Variants in MFAP3L observed in about 807,000 individuals in gnomAD.
The protein encoded by MFAP3L is microfibrillar-associated protein 3-like.
A neutral mutation model predicts 20.0 loss-of-function variants in MFAP3L; 5 were observed. The ratio of observed to expected loss-of-function variants is 0.25; its 90% CI spans 0.13 to 0.53. The LOEUF is 0.53. Ranked by LOEUF, MFAP3L falls within the 20% of genes least tolerant of loss-of-function variation. The pLI, the probability that MFAP3L is intolerant of heterozygous loss-of-function variation, is 0.96. For synonymous variants in MFAP3L, 219 were observed against 213.0 expected (o/e 1.03, Z -0.25); for missense variants, 409 against 527.5 (o/e 0.78, Z 2.20).
intron 1 of MFAP3L, among the ~76,000 whole-genome samples, chr4:170,014,150 A>G (rs1344742847): frequency 1.3e-5 from 2 of 152,200 alleles, no homozygotes; most frequent in Non-Finnish European, 2.9e-5. Flanking sequence ...TTTCATTAGA[A>G]TATTGTTCCA....
At chr4:169,995,335 T>G (rs1738065071) in intron 2 of MFAP3L, among the ~76,000 whole-genome samples, 1 of 152,156 alleles carries the variant, frequency 6.6e-6, no homozygotes, top group Admixed American at 6.5e-5. Flanking sequence ...ACCCCCTTTT[T>G]TGTAAAGGCC....
rs1157526866 is a variant in MFAP3L at position 169,990,787 on chromosome 4, T to C, written c.*591A>G. 2 of 152,616 alleles carry C rather than the reference T, an allele frequency of 1.3e-5. No homozygotes were observed. Among genetic ancestry groups the C allele is most frequent in the Non-Finnish European group, 2.9e-5 (2 of 68,324 alleles). The allele number at this position is 152,616 out of a possible 1,614,324, so 9.5% of individuals were successfully genotyped here. ...AACATGACAAATGTAATGTGACTTGTAGATATCAGCCCTGGTACTGGTGAC... is the reference window on the plus strand; with the variant it reads ...AACATGACAAATGTAATGTGACTTGCAGATATCAGCCCTGGTACTGGTGAC... On this transcript the variant is annotated 3_prime_UTR_variant, in exon 3 of 3. Transcript: ENST00000361618.
At chr4:170,013,256 G>A (rs994909985) in intron 1 of MFAP3L, among the ~76,000 whole-genome samples, 2 of 152,154 alleles carry the variant, frequency 1.3e-5, no homozygotes, top group Non-Finnish European at 2.9e-5. Context: ...ATATGGAGAT[G>A]AGATACTGTT....
chr4:169,995,412 A>C (rs76547927), intron 2 of MFAP3L, among the ~76,000 whole-genome samples: 1 of 152,056 alleles, frequency 6.6e-6, no homozygotes, highest in East Asian at 1.9e-4. Flanking sequence ...CTGCCCTTCC[A>C]TTAGTGAAAA....
At chr4:169,994,299 C>T in intron 2 of MFAP3L, 17 of 985,338 alleles carry the variant, frequency 1.7e-5, no homozygotes, top group Non-Finnish European at 2.0e-5. Context: ...TTACCTCCTC[C>T]CCATCCGTAC....
intron 2 of MFAP3L, chr4:170,005,290 C>A: frequency 2.3e-6 from 1 of 428,304 alleles, no homozygotes; most frequent in South Asian, 7.8e-5. Context: ...TTAGGAAAAT[C>A]CATTTTACAT....
At chr4:169,993,632 G>A (rs950896770) in intron 2 of MFAP3L, 4 of 151,988 alleles carry the variant, frequency 2.6e-5, no homozygotes, top group Admixed American at 1.3e-4. Context: ...TTAAGGAAGC[G>A]GGACGTGTCA....
In MFAP3L at chr4:169,989,113, A is replaced by G. The variant is rs180728910; in HGVS notation, c.*2265T>C. 1.3e-5 allele frequency: 2 copies of G among 152,328 alleles called. No individual in the cohort carries two copies. Among genetic ancestry groups the G allele is most frequent in the South Asian group, 2.1e-4 (1 of 4,824 alleles). 9.4% of individuals were successfully genotyped at this position (152,328 alleles called of 1,614,324 possible). ...CATGGTAATGAATCTGTGGACCTCC[A>G]TGACAACTGGAAAATTTTTATATTC... On this transcript the variant is annotated 3_prime_UTR_variant, in exon 3 of 3. Transcript: ENST00000361618.
intron 2 of MFAP3L, among the ~76,000 whole-genome samples, chr4:169,995,371 A>G (rs1279640210): frequency 6.6e-6 from 1 of 152,166 alleles, no homozygotes; most frequent in Admixed American, 6.5e-5. Context: ...TCTGGGAACC[A>G]AGACTCCAAA....
chr4:170,003,872 G>A lies in MFAP3L; in HGVS notation c.298+1708C>T, dbSNP rs571681038. 1.8e-5 allele frequency: 18 copies of A among 985,032 alleles called. No homozygotes were observed. In the Admixed American group the frequency reaches 3.1e-4, roughly 17 times the overall value. The allele number at this position is 985,032 out of a possible 1,614,324, so 61.0% of individuals were successfully genotyped here. ...CACTGCCTTCTGACTTGTCCTGGAG[G>A]AAGTGGCTGTAGGAACCAAAACCAG... On this transcript the variant is annotated intron_variant, in intron 2 of 2. Transcript: ENST00000361618.
In MFAP3L at chr4:169,992,887, T is replaced by C. The variant is rs1454233373; in HGVS notation, c.299-578A>G. Among the ~76,000 whole-genome samples the C allele has an allele frequency of 2.0e-5, 3 of 152,210 alleles. No individual in the cohort carries two copies. Among genetic ancestry groups the C allele is most frequent in the African/African-American group, 7.2e-5 (3 of 41,444 alleles). The stretch of plus-strand genomic sequence containing the variant: ...TGATCTCAGTTAATTAAAACATAAT[T>C]TGTATCATTCATTTTGAGACTCCAC... On this transcript the variant is annotated intron_variant, in intron 2 of 2. Coordinates refer to ENST00000361618, the MANE Select transcript of MFAP3L (RefSeq NM_021647.8). This position sits in a 1 kb window ranked among gnomAD's most constrained non-coding sequence, Gnocchi z 4.3.
At chr4:170,008,203 C>T (rs1034136680) in intron 1 of MFAP3L, among the ~76,000 whole-genome samples, 3 of 151,996 alleles carry the variant, frequency 2.0e-5, no homozygotes, top group African/African-American at 7.2e-5. Flanking sequence ...GCAGGGATTT[C>T]AGTTAGCAAA....
chr4:170,022,486 G>T, intron 1 of MFAP3L, among the ~76,000 whole-genome samples: 1 of 152,288 alleles, frequency 6.6e-6, no homozygotes, highest in African/African-American at 2.4e-5. Context: ...TCCTGCCCTT[G>T]CCTATTAGTC....
intron 2 of MFAP3L, among the ~76,000 whole-genome samples, chr4:169,999,360 T>C (rs1242333021): frequency 1.3e-5 from 2 of 152,236 alleles, no homozygotes; most frequent in African/African-American, 4.8e-5. Flanking sequence ...TCTGTTCTAC[T>C]TCAAGGTACT....
intron 1 of MFAP3L, among the ~76,000 whole-genome samples, chr4:170,011,893 C>G (rs1739402560): frequency 6.6e-6 from 1 of 152,014 alleles, no homozygotes; most frequent in African/African-American, 2.4e-5. Flanking sequence ...GAGAAGCTGA[C>G]CCAAAAGAGG....
intron 2 of MFAP3L, chr4:169,997,752 C>A (rs991931251): frequency 6.1e-6 from 6 of 984,136 alleles, no homozygotes; most frequent in Non-Finnish European, 7.2e-6. Flanking sequence ...CACAACTCAC[C>A]GCAGCCTGGA....
intron 2 of MFAP3L, among the ~76,000 whole-genome samples, chr4:169,995,679 C>T (rs747246137): frequency 2.0e-5 from 3 of 152,204 alleles, no homozygotes; most frequent in South Asian, 2.1e-4. Context: ...GAAAGTTATA[C>T]AAACACCCAC....
chr4:170,019,680 G>A (rs1184379756), intron 1 of MFAP3L, among the ~76,000 whole-genome samples: 2 of 152,112 alleles, frequency 1.3e-5, no homozygotes, highest in African/African-American at 4.8e-5. Context: ...TCCCAGAAGT[G>A]GACAATTCTG....
In MFAP3L at chr4:170,025,804, G is replaced by A. The variant is rs375498426; in HGVS notation, c.-134+430C>T. ...GCGGAACCCGCATTCACGTTCTCCG[G>A]AGCCCTGGCCAGCGCACGCTCCTCC... On this transcript the variant is annotated intron_variant, in intron 1 of 2. Transcript: ENST00000361618. Among the ~76,000 whole-genome samples, 158 of 152,228 alleles carry A rather than the reference G, an allele frequency of 1.0e-3. 1 individual carries two copies. The highest frequency in any genetic ancestry group is 0.01 in the Middle Eastern group (3 of 294).
Sources: gnomAD v4.1 joint callset for allele counts (sites outside exome capture counted in the v4.1 genomes callset) on GRCh38, gnomAD v4.1.1 for gene constraint, Gnocchi (gnomAD v3.1) non-coding constraint, MANE v1.5 for transcripts, NCBI Gene and HGNC (gene_info 2026-07-23, HGNC 2026-07-21) for gene names.